Variants in UXS1 observed in about 807,000 individuals in gnomAD.
The protein encoded by UXS1 is UDP-glucuronic acid decarboxylase 1.
UXS1 carries 33 observed loss-of-function variants against 62.6 expected under a neutral mutation model. The observed-to-expected ratio is 0.53, with a 90% CI of 0.40 to 0.70. UXS1 has a LOEUF of 0.70. Among genes scored for constraint, UXS1 ranks in the 30% least tolerant of loss-of-function variants. UXS1 has a pLI of 0.00. For synonymous variants in UXS1, 213 were observed against 206.8 expected (o/e 1.03, Z -0.26); for missense variants, 434 against 556.3 (o/e 0.78, Z 2.21).
At chr2:106,102,656 C>A (rs1267900905) in intron 11 of UXS1, 2 of 152,138 alleles carry the variant, frequency 1.3e-5, no homozygotes, top group Non-Finnish European at 2.9e-5. Context: ...AGACTCCCTG[C>A]ACTGTTGTTT....
intron 3 of UXS1, 84 bp from the exon 4 acceptor site, chr2:106,163,794 G>A (rs182706529): frequency 0.011 from 8,826 of 811,680 alleles, 69 homozygotes; most frequent in Middle Eastern, 0.021. Context: ...TTTCAGATAA[G>A]GCAAAACAGG....
At chr2:106,144,893 G>GCGACGCCAACA (rs1268934264) in intron 6 of UXS1, among the ~76,000 whole-genome samples, 1 of 152,078 alleles carries the variant, frequency 6.6e-6, no homozygotes, top group Non-Finnish European at 1.5e-5. Flanking sequence ...TGAATTTGGG[G>GCGACGCCAACA]TGACACCAAC....
chr2:106,115,367 T>C (rs1000135890), intron 9 of UXS1, among the ~76,000 whole-genome samples: 4 of 152,256 alleles, frequency 2.6e-5, no homozygotes, highest in Non-Finnish European at 5.9e-5. Flanking sequence ...CACAATGTTC[T>C]GCCTGCGAGT....
intron 7 of UXS1, among the ~76,000 whole-genome samples, chr2:106,126,018 T>C (rs1208520272): frequency 2.6e-5 from 4 of 152,144 alleles, no homozygotes; most frequent in Admixed American, 6.5e-5. Context: ...TTTCCCTTGG[T>C]TGGCAGAAGG....
At position 106,194,286 on chromosome 2, in the gene UXS1, G is replaced by A. The variant is rs775503185; in HGVS notation, c.-45C>T. The A allele has an allele frequency of 3.7e-5, 43 of 1,174,362 alleles. No individual in the cohort carries two copies. Among genetic ancestry groups the A allele is most frequent in the East Asian group, 1.2e-4 (3 of 25,488 alleles). The allele number at this position is 1,174,362 out of a possible 1,614,324, so 72.7% of individuals were successfully genotyped here. A position where few individuals can be genotyped will look rare whatever the true frequency, so the allele number is the denominator to read the frequency against. On this transcript the variant is annotated 5_prime_UTR_variant, in exon 1 of 15. Transcript: ENST00000283148. ...CCAGGGCCCTACCGCGCGGGGGCCC[G>A]CCTGCTGCACAATGCGCGGCGGCGG...
chr2:106,186,897 G>C (rs909285858), intron 1 of UXS1, among the ~76,000 whole-genome samples: 2 of 151,902 alleles, frequency 1.3e-5, no homozygotes, highest in Admixed American at 1.3e-4. Context: ...TTTAAATATA[G>C]ACTATATCTT....
chr2:106,138,237 T>C, intron 6 of UXS1: 1 of 985,478 alleles, frequency 1.0e-6, no homozygotes, highest in Non-Finnish European at 1.2e-6. Context: ...AATCCAGACG[T>C]CAGTCTGTAT....
chr2:106,164,561 G>C (rs1453930420), intron 3 of UXS1, among the ~76,000 whole-genome samples, 175 bp downstream of exon 3: 1 of 152,106 alleles, frequency 6.6e-6, no homozygotes, highest in Non-Finnish European at 1.5e-5. Flanking sequence ...ATCAAAAATG[G>C]ACCAACAGTA....
intron 9 of UXS1, among the ~76,000 whole-genome samples, chr2:106,116,024 C>T (rs999570896): frequency 5.9e-5 from 9 of 152,184 alleles, no homozygotes; most frequent in African/African-American, 1.9e-4. Flanking sequence ...TGGCATCAAA[C>T]GCCTCCTTGC....
chr2:106,110,015 G>C (rs1009264049), intron 10 of UXS1, among the ~76,000 whole-genome samples: 3 of 152,208 alleles, frequency 2.0e-5, no homozygotes, highest in Non-Finnish European at 2.9e-5. Flanking sequence ...AGGCCTGCGA[G>C]TCTCTCCCTA....
At chr2:106,193,805 C>T (rs1573610985) in intron 1 of UXS1, among the ~76,000 whole-genome samples, 2 of 151,950 alleles carry the variant, frequency 1.3e-5, no homozygotes, top group Non-Finnish European at 2.9e-5. Flanking sequence ...GAGTCCCCGA[C>T]CGGGACCCTC....
chr2:106,122,332 A>G (rs1679589979), intron 9 of UXS1, among the ~76,000 whole-genome samples: 2 of 152,184 alleles, frequency 1.3e-5, no homozygotes, highest in South Asian at 4.1e-4. Context: ...TGGCTCCTGC[A>G]CCACCCTGAG....
At chr2:106,120,675 C>T (rs1054771866) in intron 9 of UXS1, among the ~76,000 whole-genome samples, 2 of 152,230 alleles carry the variant, frequency 1.3e-5, no homozygotes, top group Admixed American at 6.5e-5. Context: ...TCTCAAGCCT[C>T]CCAGTGTGAC....
chr2:106,172,352 A>G (rs1683618613), intron 1 of UXS1, among the ~76,000 whole-genome samples: 1 of 152,222 alleles, frequency 6.6e-6, no homozygotes, highest in South Asian at 2.1e-4. Flanking sequence ...AGGCCTCTAG[A>G]CGGAACCATG....
chr2:106,143,162 T>C (rs1681257547), intron 6 of UXS1, among the ~76,000 whole-genome samples: 1 of 151,370 alleles, frequency 6.6e-6, no homozygotes, highest in Non-Finnish European at 1.5e-5. Flanking sequence ...ATAGGTATCA[T>C]TTGGGGGAGG....
chr2:106,141,023 T>C (rs1242757005), intron 6 of UXS1, among the ~76,000 whole-genome samples: 4 of 152,206 alleles, frequency 2.6e-5, no homozygotes. Context: ...GATGTGTGGC[T>C]TTCTGAAGCA....
At chr2:106,165,152 T>TA (rs1683133782) in intron 2 of UXS1, among the ~76,000 whole-genome samples, 1 of 152,218 alleles carries the variant, frequency 6.6e-6, no homozygotes, top group South Asian at 2.1e-4. Context: ...GGATTTAATG[T>TA]AAAAATGGAG....
chr2:106,186,893 T>C (rs1163557977), intron 1 of UXS1, among the ~76,000 whole-genome samples: 2 of 152,084 alleles, frequency 1.3e-5, no homozygotes, highest in East Asian at 3.8e-4. Context: ...GAAATTTAAA[T>C]ATAGACTATA....
At chr2:106,170,635 T>C (rs767207626) in intron 1 of UXS1, among the ~76,000 whole-genome samples, 5 of 152,214 alleles carry the variant, frequency 3.3e-5, no homozygotes, top group Non-Finnish European at 7.3e-5. Context: ...GCTTGAGAGA[T>C]AATTCAATAC....
Sources: gnomAD v4.1 joint callset for allele counts (sites outside exome capture counted in the v4.1 genomes callset) on GRCh38, gnomAD v4.1.1 for gene constraint, MANE v1.5 for transcripts, NCBI Gene and HGNC (gene_info 2026-07-23, HGNC 2026-07-21) for gene names.